Variants in SPATA13 observed in about 807,000 individuals in gnomAD.
SPATA13 encodes spermatogenesis associated 13, also known as spermatogenesis-associated protein 13.
Under a neutral mutation model 104.0 loss-of-function variants are expected in SPATA13, and 50 were observed. The observed-to-expected ratio is 0.48, with a 90% CI of 0.38 to 0.61. The LOEUF is 0.61. Among genes scored for constraint, SPATA13 ranks in the 20% least tolerant of loss-of-function variants. SPATA13 has a pLI of 0.00. For synonymous variants in SPATA13, 606 were observed against 667.5 expected (o/e 0.91, Z 1.42); for missense variants, 1,524 against 1,690.6 (o/e 0.90, Z 1.73).
chr13:24,061,434 C>G (rs185058266), intron 3 of SPATA13, among the ~76,000 whole-genome samples: 443 of 152,254 alleles, frequency 2.9e-3, no homozygotes, highest in Non-Finnish European at 5.1e-3. Context: ...CATTGTAGTG[C>G]TGTTCAACAA....
At chr13:24,020,743 CA>C (rs1482130913) in intron 3 of SPATA13, among the ~76,000 whole-genome samples, 2 of 152,158 alleles carry the variant, frequency 1.3e-5, no homozygotes, top group Non-Finnish European at 2.9e-5. Context: ...TAAAAGTGGG[CA>C]TAAAAATAAA....
chr13:23,980,367 C>G (rs907805273), intron 1 of SPATA13, among the ~76,000 whole-genome samples: 11 of 152,174 alleles, frequency 7.2e-5, no homozygotes, highest in African/African-American at 2.4e-4. Context: ...GCGGGGGAGG[C>G]CGAAATCTCC....
At chr13:24,013,235 C>T (rs1876557693) in intron 2 of SPATA13, among the ~76,000 whole-genome samples, 1 of 152,224 alleles carries the variant, frequency 6.6e-6, no homozygotes, top group Non-Finnish European at 1.5e-5. Flanking sequence ...CAAGGAACTT[C>T]TCCTCAGCTC....
chr13:24,224,306 G>C lies in SPATA13; in HGVS notation c.1377G>C (p.Gln459His). Reference protein sequence around the residue: ...AGSQLTFDPEQPPTPLRPTTP... With the variant: ...AGSQLTFDPEHPPTPLRPTTP... ...GCCAGTTGACATTTGACCCTGAGCA[G>C]CCTCCCACCCCTCTAAGGCCCACCA... Residue 459 changes from glutamine to histidine, a missense_variant, in exon 2 of 13, where the codon CAG (glutamine) becomes CAC (histidine). Gln to His is a conservative substitution (Grantham distance 24, BLOSUM62 0). Around this residue, in one of 2 missense-constraint regions of SPATA13, gnomAD observed 1,089 missense variants for 1,135.9 expected, o/e 0.96. Coordinates refer to ENST00000382108, the MANE Select transcript of SPATA13 (RefSeq NM_001166271.3). The C allele has an allele frequency of 6.4e-7, 1 of 1,551,754 alleles. No individual in the cohort carries two copies. The highest frequency in any genetic ancestry group is 2.0e-5 in the Admixed American group (1 of 51,010).
At chr13:24,106,561 G>A (rs753003491) in intron 3 of SPATA13, among the ~76,000 whole-genome samples, 42 of 152,146 alleles carry the variant, frequency 2.8e-4, no homozygotes, top group Non-Finnish European at 5.9e-4. Flanking sequence ...TCAGCAGTGG[G>A]TCACCAGCCA....
rs1300792998 is a variant in SPATA13 at position 24,304,294 on chromosome 13, T to TAAC, written c.*1522_*1523insACA. 1 of 152,260 alleles carries TAAC rather than the reference T, an allele frequency of 6.6e-6. No homozygotes were observed. The highest frequency in any genetic ancestry group is 2.4e-5 in the African/African-American group (1 of 41,470). The allele number at this position is 152,260 out of a possible 1,614,324, so 9.4% of individuals were successfully genotyped here. A position where few individuals can be genotyped will look rare whatever the true frequency, so the allele number is the denominator to read the frequency against. On this transcript the variant is annotated 3_prime_UTR_variant, in exon 13 of 13. Transcript: ENST00000382108. ...AGATAATCATCTCCTTTTCTTTGTC[T>TAAC]ATGTTGTACATTTTCATGATATAAC...
In SPATA13 at chr13:24,088,306, C is replaced by T. The variant is rs1017737649; in HGVS notation, c.-112+70605C>T. On this transcript the variant is annotated intron_variant, in intron 3 of 14. Coordinates refer to the SPATA13 transcript ENST00000424834. The surrounding 1 kb of genome is among the most constrained non-coding windows in gnomAD (Gnocchi z 4.3). The stretch of plus-strand genomic sequence containing the variant: ...GGCTCAGAGCGGTAAGGAATTGGCC[C>T]GCAGTCACATGACTATTAAAGCATC... Among the ~76,000 whole-genome samples the T allele has an allele frequency of 2.6e-5, 4 of 152,104 alleles. No homozygotes were observed. Among genetic ancestry groups the T allele is most frequent in the South Asian group, 4.2e-4 (2 of 4,812 alleles).
intron 3 of SPATA13, among the ~76,000 whole-genome samples, chr13:24,105,623 A>T (rs749297785): frequency 1.4e-4 from 21 of 152,146 alleles, no homozygotes; most frequent in Non-Finnish European, 3.1e-4. Context: ...GATGTGCTTT[A>T]GAATAGAAAT....
intron 3 of SPATA13, among the ~76,000 whole-genome samples, chr13:24,071,349 C>T (rs916236674): frequency 4.6e-5 from 7 of 152,156 alleles, no homozygotes; most frequent in Admixed American, 1.3e-4. Flanking sequence ...CTTCAGGAAA[C>T]TGTGTTTAAG....
At chr13:24,191,267 T>C (rs909434084) in intron 1 of SPATA13, among the ~76,000 whole-genome samples, 60 of 152,106 alleles carry the variant, frequency 3.9e-4, no homozygotes, top group Non-Finnish European at 8.1e-4. Flanking sequence ...TGAGCCATCT[T>C]GCCCAGCCAT....
In SPATA13 at chr13:24,246,532, G is replaced by T. The variant is rs143025590; in HGVS notation, c.1654-2945G>T. On this transcript the variant is annotated intron_variant, in intron 2 of 12. Transcript: ENST00000382108. ...TTTATTCACATGCCTGCGTTTGTGC[G>T]TGTCTCTGTGTGTGAGAGACAGAGT... is the stretch of plus-strand genomic sequence containing the variant. Among the ~76,000 whole-genome samples, 82 of 152,238 alleles carry T rather than the reference G, an allele frequency of 5.4e-4. No homozygotes were observed. In the East Asian group the frequency reaches 9.5e-3, roughly 18 times the overall value.
intron 3 of SPATA13, among the ~76,000 whole-genome samples, chr13:24,119,506 T>C (rs1399026521): frequency 6.6e-6 from 1 of 152,224 alleles, no homozygotes; most frequent in African/African-American, 2.4e-5. Context: ...ACCACCTTCA[T>C]GGGCATCTCT....
At chr13:24,267,929 T>C (rs1874369999) in intron 4 of SPATA13, among the ~76,000 whole-genome samples, 1 of 152,238 alleles carries the variant, frequency 6.6e-6, no homozygotes, top group Non-Finnish European at 1.5e-5. Flanking sequence ...TTGAATAACC[T>C]GGGATGTTGT....
At chr13:24,220,550 C>T (rs931238923) in intron 1 of SPATA13, among the ~76,000 whole-genome samples, 1 of 152,236 alleles carries the variant, frequency 6.6e-6, no homozygotes, top group Non-Finnish European at 1.5e-5. Context: ...GTTGAACTTA[C>T]TTTGCAACTG....
chr13:24,166,807 T>C (rs931570852), intron 1 of SPATA13, among the ~76,000 whole-genome samples: 2 of 152,240 alleles, frequency 1.3e-5, no homozygotes, highest in Non-Finnish European at 2.9e-5. Flanking sequence ...TTGCAGAGAA[T>C]GGTAATCCTC....
chr13:24,007,249 G>A (rs1876274825), intron 2 of SPATA13, among the ~76,000 whole-genome samples: 1 of 152,168 alleles, frequency 6.6e-6, no homozygotes. Context: ...GACATGTTTA[G>A]GGCCAGCCTC....
intron 3 of SPATA13, among the ~76,000 whole-genome samples, chr13:24,146,744 A>G (rs1227304656): frequency 6.6e-6 from 1 of 152,166 alleles, no homozygotes; most frequent in Non-Finnish European, 1.5e-5. Flanking sequence ...TTTGTGTCTA[A>G]AGCATTTTCC....
intron 1 of SPATA13, among the ~76,000 whole-genome samples, chr13:24,165,780 A>G (rs1253163655): frequency 6.6e-6 from 1 of 152,214 alleles, no homozygotes; most frequent in Non-Finnish European, 1.5e-5. Flanking sequence ...TGTGATAGGA[A>G]CAGTCCATTG....
chr13:24,083,471 G>C (rs1387135270), intron 3 of SPATA13, among the ~76,000 whole-genome samples: 1 of 152,182 alleles, frequency 6.6e-6, no homozygotes, highest in African/African-American at 2.4e-5. Flanking sequence ...CATTAACCAG[G>C]AACTTGAGTT....
Sources: gnomAD v4.1 joint callset for allele counts (sites outside exome capture counted in the v4.1 genomes callset) on GRCh38, gnomAD v4.1.1 for gene constraint, gnomAD v4.1.1 regional missense constraint, Gnocchi (gnomAD v3.1) non-coding constraint, MANE v1.5 for transcripts, NCBI Gene and HGNC (gene_info 2026-07-23, HGNC 2026-07-21) for gene names.